FMN1: variants seen among roughly 807,000 people sequenced by gnomAD.
The protein encoded by FMN1 is formin-1.
FMN1 carries 110 observed loss-of-function variants against 132.4 expected under a neutral mutation model. The ratio of observed to expected loss-of-function variants is 0.83; its 90% CI spans 0.71 to 0.97. The LOEUF (loss-of-function observed/expected upper bound fraction) is 0.97. Ranked by LOEUF, FMN1 falls within the 50% of genes least tolerant of loss-of-function variation. The probability of loss-of-function intolerance (pLI) is 0.00; values close to 1 mark genes in which losing one functional copy is unlikely to be tolerated. For synonymous variants in FMN1, 722 were observed against 651.7 expected (o/e 1.11, Z -1.64); for missense variants, 1,792 against 1,705.3 (o/e 1.05, Z -0.90).
intron 3 of FMN1, among the ~76,000 whole-genome samples, chr15:33,177,282 A>AT (rs1330148243): frequency 6.6e-6 from 1 of 152,132 alleles, no homozygotes; most frequent in Non-Finnish European, 1.5e-5. Flanking sequence ...AGGCCTACTC[A>AT]TTTACTAATT....
At chr15:32,968,620 A>G in intron 8 of FMN1, 94 bp downstream of exon 8, 1 of 1,565,204 alleles carries the variant, frequency 6.4e-7, no homozygotes, top group African/African-American at 1.4e-5. Context: ...AATGGGTGCT[A>G]CACTATGGAG....
intron 7 of FMN1, among the ~76,000 whole-genome samples, chr15:32,978,812 A>G (rs2032414878): frequency 6.6e-6 from 1 of 152,228 alleles, no homozygotes; most frequent in South Asian, 2.1e-4. Flanking sequence ...TATCATTTTG[A>G]AAACCATGAT....
intron 16 of FMN1, among the ~76,000 whole-genome samples, chr15:32,862,534 C>T (rs1430845434): frequency 6.6e-6 from 1 of 152,076 alleles, no homozygotes; most frequent in Non-Finnish European, 1.5e-5. Context: ...AAGATATGGC[C>T]TAGACTATTT....
chr15:33,014,085 C>A lies in FMN1; in HGVS notation c.2162-6010G>T, dbSNP rs147075729. Among the ~76,000 whole-genome samples the A allele has an allele frequency of 5.9e-5, 9 of 152,254 alleles. No individual in the cohort carries two copies. The East Asian group carries it at 1.7e-3, about 29-fold the overall frequency. ...GGGTGGCAGGAAACACACTCCCATC[C>A]CAACAAGGATGACAGAATCCCTGGG... On this transcript the variant is annotated intron_variant, in intron 6 of 20. Transcript: ENST00000616417.
At chr15:33,187,975 A>C (rs1446211089) in intron 2 of FMN1, among the ~76,000 whole-genome samples, 1 of 152,228 alleles carries the variant, frequency 6.6e-6, no homozygotes, top group African/African-American at 2.4e-5. Flanking sequence ...AATTTGGCCC[A>C]TCTTTTTCAA....
At chr15:32,783,743 TCAAAAAAAAAAA>T (rs2056751182) in intron 19 of FMN1, among the ~76,000 whole-genome samples, 1 of 32,492 alleles carries the variant, frequency 3.1e-5, no homozygotes, top group Non-Finnish European at 5.0e-5. Context: ...AGACTCTGTT[TCAAAAAAAAAAA>T]AAAAAAAAAA....
intron 19 of FMN1, among the ~76,000 whole-genome samples, chr15:32,792,927 G>A (rs1412923171): frequency 1.3e-5 from 2 of 152,166 alleles, no homozygotes; most frequent in African/African-American, 2.4e-5. Flanking sequence ...TGTTATACAT[G>A]AGGAAAATTG....
intron 9 of FMN1, among the ~76,000 whole-genome samples, chr15:32,933,395 G>A (rs533516334): frequency 3.1e-4 from 47 of 152,228 alleles, no homozygotes; most frequent in African/African-American, 3.8e-4. Context: ...CTGACATAAC[G>A]TGTGACTTAT....
At chr15:32,791,745 A>C (rs964610772) in intron 19 of FMN1, among the ~76,000 whole-genome samples, 1 of 152,236 alleles carries the variant, frequency 6.6e-6, no homozygotes, top group Non-Finnish European at 1.5e-5. Context: ...AGCAGTAAAA[A>C]TAATTCTCAT....
chr15:32,966,712 A>G (rs1051875656), intron 8 of FMN1, among the ~76,000 whole-genome samples: 2 of 152,188 alleles, frequency 1.3e-5, no homozygotes, highest in Admixed American at 6.5e-5. Flanking sequence ...GAAAATTCAC[A>G]TTTTGTTTCT....
At chr15:33,136,544 A>G (rs921399106) in intron 4 of FMN1, among the ~76,000 whole-genome samples, 6 of 152,126 alleles carry the variant, frequency 3.9e-5, no homozygotes, top group African/African-American at 1.4e-4. Context: ...TTTTTGATGA[A>G]CCATGTTTTA....
chr15:33,066,465 G>T, intron 5 of FMN1: 1 of 1,404,524 alleles, frequency 7.1e-7, no homozygotes, highest in Non-Finnish European at 9.5e-7. Context: ...AAGAAATACA[G>T]CAGCACCATA....
chr15:33,011,636 G>A (rs1465080131), intron 6 of FMN1, among the ~76,000 whole-genome samples: 1 of 151,974 alleles, frequency 6.6e-6, no homozygotes, highest in Non-Finnish European at 1.5e-5. Context: ...GAAACAGATT[G>A]ACAATAGATC....
chr15:32,809,748 C>T (rs1445589472), intron 17 of FMN1, among the ~76,000 whole-genome samples: 1 of 152,118 alleles, frequency 6.6e-6, no homozygotes, highest in Admixed American at 6.5e-5. Flanking sequence ...TGTGGAGATC[C>T]AAACACACTA....
chr15:33,105,602 C>T (rs1282338057), intron 4 of FMN1, among the ~76,000 whole-genome samples: 1 of 152,090 alleles, frequency 6.6e-6, no homozygotes, highest in South Asian at 2.1e-4. Context: ...GCTTTGAGAT[C>T]AGGCGGAAAA....
At position 33,126,488 on chromosome 15, in the gene FMN1, A is replaced by G. The variant is rs77807476; in HGVS notation, c.1867+26560T>C. ...AACGTCCAAAATTTTTTCAAGACAGACCAACTCTACATCTACTCCTCTTAT... is the reference window on the plus strand; with the variant it reads ...AACGTCCAAAATTTTTTCAAGACAGGCCAACTCTACATCTACTCCTCTTAT... On this transcript the variant is annotated intron_variant, in intron 4 of 20. Transcript: ENST00000616417. Among the ~76,000 whole-genome samples, 24 of 152,288 alleles carry G rather than the reference A, an allele frequency of 1.6e-4. No individual in the cohort carries two copies. In the East Asian group the frequency reaches 4.4e-3, roughly 28 times the overall value.
At chr15:32,964,048 C>CACACACAT (rs753118665) in intron 9 of FMN1, 59 bp downstream of exon 9, 291 of 1,124,086 alleles carry the variant, frequency 2.6e-4, no homozygotes, top group African/African-American at 1.4e-3. Flanking sequence ...CACACACACA[C>CACACACAT]ATATATACCA....
At chr15:33,075,237 G>T (rs528746699) in intron 5 of FMN1, among the ~76,000 whole-genome samples, 303 of 152,164 alleles carry the variant, frequency 2.0e-3, no homozygotes, top group Non-Finnish European at 2.1e-3. Flanking sequence ...ATAACCTGCA[G>T]TAAGTAGGAT....
chr15:33,099,622 T>C (rs902975571), intron 4 of FMN1, among the ~76,000 whole-genome samples: 1 of 152,180 alleles, frequency 6.6e-6, no homozygotes, highest in East Asian at 1.9e-4. Flanking sequence ...TGAATTGATA[T>C]GAAAATAAAG....
Sources: gnomAD v4.1 joint callset for allele counts (sites outside exome capture counted in the v4.1 genomes callset) on GRCh38, gnomAD v4.1.1 for gene constraint, MANE v1.5 for transcripts, NCBI Gene and HGNC (gene_info 2026-07-23, HGNC 2026-07-21) for gene names.